TSPAN5: variants seen among roughly 807,000 people sequenced by gnomAD.
The protein encoded by TSPAN5 is tetraspanin 5.
A neutral mutation model predicts 37.1 loss-of-function variants in TSPAN5; 10 were observed. That is an observed-to-expected ratio of 0.27 (90% CI 0.17 to 0.46). The LOEUF is 0.46. TSPAN5 is among the 20% of genes least tolerant of loss of function. TSPAN5 has a pLI of 1.00. For missense variants in TSPAN5, 195 were observed against 326.6 expected (o/e 0.60, Z 3.11); for synonymous variants, 110 against 118.9 (o/e 0.93, Z 0.48).
intron 1 of TSPAN5, among the ~76,000 whole-genome samples, chr4:98,636,507 C>T (rs1333574294): frequency 1.3e-5 from 2 of 152,092 alleles, no homozygotes; most frequent in Non-Finnish European, 2.9e-5. Context: ...AAATCTCCTG[C>T]AGTAGAGTGG....
intron 1 of TSPAN5, among the ~76,000 whole-genome samples, chr4:98,530,746 C>A (rs1754063373): frequency 7.2e-6 from 1 of 138,350 alleles, no homozygotes; most frequent in Non-Finnish European, 1.6e-5. Flanking sequence ...CACACACACA[C>A]ACACACATAT....
chr4:98,575,854 A>T (rs62323627), intron 1 of TSPAN5, among the ~76,000 whole-genome samples: 13,721 of 151,568 alleles, frequency 0.091, 726 homozygotes, highest in South Asian at 0.21. Flanking sequence ...GGCAGATCAC[A>T]AGGTCAGGAG....
intron 1 of TSPAN5, among the ~76,000 whole-genome samples, chr4:98,551,960 C>T (rs1754628411): frequency 6.6e-6 from 1 of 152,020 alleles, no homozygotes; most frequent in South Asian, 2.1e-4. Flanking sequence ...GGAGTTTATC[C>T]ATTTCTTCCA....
chr4:98,586,396 T>A (rs570791910), intron 1 of TSPAN5, among the ~76,000 whole-genome samples: 2 of 152,174 alleles, frequency 1.3e-5, no homozygotes, highest in Non-Finnish European at 2.9e-5. Flanking sequence ...AGACTGCAGA[T>A]TTGCTGTTGG....
intron 2 of TSPAN5, 55 bp downstream of exon 2, chr4:98,507,623 T>C (rs1237911364): frequency 6.8e-6 from 9 of 1,330,014 alleles, no homozygotes; most frequent in Non-Finnish European, 7.4e-6. Context: ...ATACATAATA[T>C]GATGTGCAGC....
At chr4:98,643,151 AT>A (rs1358972977) in intron 1 of TSPAN5, among the ~76,000 whole-genome samples, 1 of 152,066 alleles carries the variant, frequency 6.6e-6, no homozygotes, top group South Asian at 2.1e-4. Context: ...CCACTTTTTT[AT>A]CTTTTATATT....
chr4:98,651,603 A>T (rs964602019), intron 1 of TSPAN5, among the ~76,000 whole-genome samples: 2 of 152,200 alleles, frequency 1.3e-5, no homozygotes, highest in Admixed American at 1.3e-4. Flanking sequence ...GGTTCTCTAT[A>T]CTACTTGCAA....
rs1756068281 is a variant in TSPAN5 at position 98,607,639 on chromosome 4, T to C, written c.81+50507A>G. On this transcript the variant is annotated intron_variant, in intron 1 of 7. Transcript: ENST00000305798. ...ATATACATTTTGTTACAACCTTCCT[T>C]ACATGCTTTTTGCCTGTATTTAGAG... is the stretch of plus-strand genomic sequence containing the variant. 2.0e-5 allele frequency among the ~76,000 whole-genome samples: 3 copies of C among 152,114 alleles called. No homozygotes were observed. In the South Asian group the frequency reaches 6.2e-4, roughly 32 times the overall value.
At chr4:98,552,282 G>A (rs1282248232) in intron 1 of TSPAN5, among the ~76,000 whole-genome samples, 1 of 152,136 alleles carries the variant, frequency 6.6e-6, no homozygotes, top group Non-Finnish European at 1.5e-5. Context: ...GTTCCTTCAA[G>A]TGTGATGTTA....
chr4:98,560,277 G>C (rs1754850801), intron 1 of TSPAN5: 1 of 152,190 alleles, frequency 6.6e-6, no homozygotes, highest in East Asian at 1.9e-4. Flanking sequence ...AGCTAAAGCA[G>C]AGCAGGGTAA....
chr4:98,548,271 A>T (rs1754517641), intron 1 of TSPAN5, among the ~76,000 whole-genome samples: 1 of 152,180 alleles, frequency 6.6e-6, no homozygotes, highest in Non-Finnish European at 1.5e-5. Flanking sequence ...CAAAACCAGC[A>T]AACAAACAAA....
At chr4:98,604,866 C>T (rs1347097491) in intron 1 of TSPAN5, among the ~76,000 whole-genome samples, 1 of 152,188 alleles carries the variant, frequency 6.6e-6, no homozygotes, top group Non-Finnish European at 1.5e-5. Flanking sequence ...AAAACCAAGG[C>T]TTGGAGATGT....
intron 1 of TSPAN5, among the ~76,000 whole-genome samples, chr4:98,535,241 T>C (rs1754204609): frequency 6.6e-6 from 1 of 152,196 alleles, no homozygotes. Context: ...TGACAAAATC[T>C]CTCAGCATTT....
intron 1 of TSPAN5, among the ~76,000 whole-genome samples, chr4:98,516,105 C>A (rs1055008280): frequency 2.6e-5 from 4 of 152,108 alleles, no homozygotes; most frequent in Admixed American, 2.0e-4. Context: ...CAAATGATAA[C>A]CAATATTAAT....
chr4:98,523,280 T>C (rs902215110), intron 1 of TSPAN5, among the ~76,000 whole-genome samples: 13 of 152,174 alleles, frequency 8.5e-5, no homozygotes, highest in African/African-American at 3.1e-4. Flanking sequence ...CCTTATTTCC[T>C]CTGGTTTAAA....
At chr4:98,598,965 A>C (rs912138347) in intron 1 of TSPAN5, among the ~76,000 whole-genome samples, 1 of 152,218 alleles carries the variant, frequency 6.6e-6, no homozygotes, top group Non-Finnish European at 1.5e-5. Flanking sequence ...AGTTTGCCAA[A>C]GAGCAACAGG....
chr4:98,649,119 C>G (rs1222656865), intron 1 of TSPAN5, among the ~76,000 whole-genome samples: 1 of 152,134 alleles, frequency 6.6e-6, no homozygotes, highest in Non-Finnish European at 1.5e-5. Context: ...GATTCAAAGA[C>G]ATCTAAAGGC....
chr4:98,528,679 A>G (rs1349981883), intron 1 of TSPAN5, among the ~76,000 whole-genome samples: 2 of 152,242 alleles, frequency 1.3e-5, no homozygotes, highest in African/African-American at 2.4e-5. Context: ...CAGAGTTAGT[A>G]TCAGAGCATT....
intron 1 of TSPAN5, among the ~76,000 whole-genome samples, chr4:98,540,484 C>T (rs926308582): frequency 9.9e-5 from 15 of 152,100 alleles, no homozygotes; most frequent in Admixed American, 4.6e-4. Context: ...ATTACAGGCA[C>T]GTGCCACCAT....
Sources: allele counts gnomAD v4.1 joint callset (sites outside exome capture counted in the v4.1 genomes callset), GRCh38; gene constraint gnomAD v4.1.1; transcripts MANE v1.5; gene names NCBI Gene and HGNC (gene_info 2026-07-23, HGNC 2026-07-21).